The following LINC00305 variants were observed in gnomAD, a reference collection of about 807,000 sequenced individuals.
LINC00305 encodes long independently transcribed non-coding RNA 305.
intron 1 of LINC00305, among the ~76,000 whole-genome samples, chr18:64,101,413 A>G (rs528277322): frequency 3.4e-4 from 51 of 152,224 alleles, no homozygotes; most frequent in Non-Finnish European, 7.1e-4. Flanking sequence ...TTGGGAAAAA[A>G]TGTTGCTAGC....
chr18:64,116,015 C>T (rs559297813), intron 1 of LINC00305, among the ~76,000 whole-genome samples: 20 of 152,146 alleles, frequency 1.3e-4, no homozygotes, highest in Non-Finnish European at 2.2e-4. Context: ...CCAACAGATG[C>T]CCTAAAATCC....
intron 3 of LINC00305, among the ~76,000 whole-genome samples, chr18:64,087,636 T>C (rs1306427643): frequency 1.3e-5 from 2 of 152,072 alleles, no homozygotes; most frequent in African/African-American, 4.8e-5. Flanking sequence ...ATATATAAAA[T>C]ATATAGGGAA....
chr18:64,105,928 A>G (rs2051288492), intron 1 of LINC00305, among the ~76,000 whole-genome samples: 1 of 152,248 alleles, frequency 6.6e-6, no homozygotes, highest in Non-Finnish European at 1.5e-5. Context: ...ATAATTAGAA[A>G]GGCTTTTATC....
intron 1 of LINC00305, among the ~76,000 whole-genome samples, chr18:64,143,566 ATACACATAT>A (rs2051476622): frequency 2.8e-5 from 1 of 35,356 alleles, no homozygotes. Context: ...GTGTACATAT[ATACACATAT>A]GTATATGTAC....
intron 1 of LINC00305, among the ~76,000 whole-genome samples, chr18:64,141,077 A>G (rs1402057177): frequency 1.4e-5 from 2 of 141,592 alleles, no homozygotes; most frequent in African/African-American, 5.3e-5. Flanking sequence ...AAAAAAAAAA[A>G]TGATTCTTCC....
At chr18:64,141,054 A>T (rs1288056022) in intron 1 of LINC00305, among the ~76,000 whole-genome samples, 8 of 58,934 alleles carry the variant, frequency 1.4e-4, no homozygotes, top group African/African-American at 6.3e-4. Flanking sequence ...CTGAATGATA[A>T]AAAAAAAAAA....
chr18:64,086,585 T>C, intron 3 of LINC00305, among the ~76,000 whole-genome samples: 1 of 152,238 alleles, frequency 6.6e-6, no homozygotes, highest in South Asian at 2.1e-4. Context: ...AAGTTTACCT[T>C]CTGTTGTCTG....
chr18:64,145,336 A>G (rs1326919505), intron 1 of LINC00305, among the ~76,000 whole-genome samples: 1 of 152,144 alleles, frequency 6.6e-6, no homozygotes, highest in East Asian at 1.9e-4. Flanking sequence ...ATCTCACCTC[A>G]TAATCAAATG....
chr18:64,110,218 A>G (rs1275535786), intron 1 of LINC00305, among the ~76,000 whole-genome samples: 1 of 152,174 alleles, frequency 6.6e-6, no homozygotes, highest in Admixed American at 6.5e-5. Flanking sequence ...AAGAAATAAA[A>G]TTTTATTGTG....
intron 1 of LINC00305, among the ~76,000 whole-genome samples, chr18:64,116,258 A>G (rs2051337341): frequency 6.6e-6 from 1 of 152,250 alleles, no homozygotes; most frequent in African/African-American, 2.4e-5. Flanking sequence ...TACAGAATTA[A>G]CATTAAAATG....
chr18:64,080,460 A>C (rs892341996), intron 3 of LINC00305: 12 of 317,702 alleles, frequency 3.8e-5, no homozygotes, highest in Non-Finnish European at 6.4e-5. Context: ...AAACTTGATC[A>C]AATGATTCCA....
rs113628021 is a variant in LINC00305, at chr18:64,102,914, T to C, written n.315-4274A>G. Among the ~76,000 whole-genome samples, 1,182 of 152,224 alleles carry C rather than the reference T, an allele frequency of 7.8e-3. 7 individuals are homozygous for C. The highest frequency in any genetic ancestry group is 0.013 in the Non-Finnish European group (901 of 67,998). On this transcript the variant is annotated intron_variant and non_coding_transcript_variant, in intron 1 of 3. Transcript: ENST00000666468. ...CTCCCATTAGGCCCCACCTCCAACATTGGAGATTGCATCTGAACGTGAGAT... is the reference window on the plus strand; with the variant it reads ...CTCCCATTAGGCCCCACCTCCAACACTGGAGATTGCATCTGAACGTGAGAT...
chr18:64,139,297 T>G (rs557138310), intron 1 of LINC00305, among the ~76,000 whole-genome samples: 1 of 152,310 alleles, frequency 6.6e-6, no homozygotes, highest in East Asian at 1.9e-4. Context: ...ATTCACATAA[T>G]TAAGGACAAA....
At chr18:64,090,943 A>G (rs2051222557) in intron 3 of LINC00305, among the ~76,000 whole-genome samples, 1 of 152,206 alleles carries the variant, frequency 6.6e-6, no homozygotes, top group South Asian at 2.1e-4. Flanking sequence ...TAACTCAACT[A>G]TCTTTAATTC....
chr18:64,118,068 C>T (rs2051345527), intron 1 of LINC00305, among the ~76,000 whole-genome samples: 2 of 152,042 alleles, frequency 1.3e-5, no homozygotes, highest in Admixed American at 1.3e-4. Flanking sequence ...AGGCTGAATG[C>T]ATTATATAAA....
At chr18:64,113,699 T>A (rs1474426350) in intron 1 of LINC00305, among the ~76,000 whole-genome samples, 1 of 152,192 alleles carries the variant, frequency 6.6e-6, no homozygotes, top group Non-Finnish European at 1.5e-5. Context: ...GGATGGCCAG[T>A]AATACTCAAC....
intron 1 of LINC00305, among the ~76,000 whole-genome samples, chr18:64,103,193 C>T (rs1282237254): frequency 1.3e-5 from 2 of 152,194 alleles, no homozygotes; most frequent in East Asian, 1.9e-4. Flanking sequence ...CATTTGTCCA[C>T]GTGTGTCTGC....
intron 1 of LINC00305, among the ~76,000 whole-genome samples, chr18:64,123,673 C>A (rs1227445207): frequency 6.6e-6 from 1 of 151,926 alleles, no homozygotes; most frequent in Non-Finnish European, 1.5e-5. Context: ...AATGCATTAT[C>A]ATTCAGGGTC....
At chr18:64,130,418 G>C (rs1207295216) in intron 1 of LINC00305, among the ~76,000 whole-genome samples, 1 of 152,024 alleles carries the variant, frequency 6.6e-6, no homozygotes, top group Non-Finnish European at 1.5e-5. Context: ...CCAATCAAAA[G>C]AATAATCATT....
Sources: allele counts gnomAD v4.1 joint callset (sites outside exome capture counted in the v4.1 genomes callset), GRCh38; gene constraint gnomAD v4.1.1; transcripts MANE v1.5; gene names NCBI Gene and HGNC (gene_info 2026-07-23, HGNC 2026-07-21).